KHDRBS2: variants seen among roughly 807,000 people sequenced by gnomAD.
KHDRBS2 encodes the protein KH RNA binding domain containing, signal transduction associated 2.
KHDRBS2 carries 26 observed loss-of-function variants against 44.3 expected under a neutral mutation model. The observed-to-expected ratio is 0.59, with a 90% CI of 0.43 to 0.81. The LOEUF (loss-of-function observed/expected upper bound fraction) is 0.81, where lower values mean the gene tolerates loss of function less well. KHDRBS2 is among the 40% of genes least tolerant of loss of function. The pLI, the probability that KHDRBS2 is intolerant of heterozygous loss-of-function variation, is 0.00. For synonymous variants in KHDRBS2, 194 were observed against 151.1 expected, an observed-to-expected ratio of 1.28 and a Z score of -2.08; for missense variants, 476 against 433.1, an observed-to-expected ratio of 1.10 and a Z score of -0.88.
chr6:62,285,618 C>T (rs1042855574), intron 1 of KHDRBS2, among the ~76,000 whole-genome samples: 1 of 152,132 alleles, frequency 6.6e-6, no homozygotes, highest in Non-Finnish European at 1.5e-5. Flanking sequence ...CAGGTCACAT[C>T]GCCACTGCCA....
At chr6:62,029,221 A>G (rs570781980) in intron 3 of KHDRBS2, among the ~76,000 whole-genome samples, 45 of 152,114 alleles carry the variant, frequency 3.0e-4, no homozygotes, top group African/African-American at 1.0e-3. Context: ...AATTCATGGC[A>G]AAATGTTAGT....
At chr6:61,621,853 A>G in the KHDRBS2 span, among the ~76,000 whole-genome samples, 3 of 152,328 alleles carry the variant, frequency 2.0e-5, no homozygotes, top group East Asian at 5.8e-4. Context: ...TGAAGAAGCA[A>G]ATAGCCATCA....
At position 61,895,984 on chromosome 6, in the gene KHDRBS2, G is replaced by T. The variant is rs372678285; in HGVS notation, c.612-1151C>A. ...TTACAGAGCTGATGAATAGAGAAAT[G>T]ATGAGAGAATTTATTGTGAGTCTAA... On this transcript the variant is annotated intron_variant, in intron 5 of 8. Coordinates refer to ENST00000281156, the MANE Select transcript of KHDRBS2 (RefSeq NM_152688.4). Among the ~76,000 whole-genome samples the T allele has an allele frequency of 1.5e-4, 23 of 152,246 alleles. No homozygotes were observed. In the East Asian group the frequency reaches 2.9e-3, roughly 19 times the overall value.
At chr6:62,199,996 A>G (rs1826580291) in intron 1 of KHDRBS2, among the ~76,000 whole-genome samples, 1 of 152,212 alleles carries the variant, frequency 6.6e-6, no homozygotes, top group African/African-American at 2.4e-5. Flanking sequence ...AGGATTCCCT[A>G]TTTAATAAAT....
intron 7 of KHDRBS2, among the ~76,000 whole-genome samples, chr6:61,698,929 C>G (rs1361648322): frequency 6.6e-6 from 1 of 152,046 alleles, no homozygotes; most frequent in African/African-American, 2.4e-5. Flanking sequence ...CTATTTAGAC[C>G]AGGGACCACC....
chr6:61,606,085 C>T, the KHDRBS2 span, among the ~76,000 whole-genome samples: 2 of 152,190 alleles, frequency 1.3e-5, no homozygotes, highest in African/African-American at 4.8e-5. Context: ...CCCGCCCCTG[C>T]CAGCCAGAGA....
At chr6:61,622,296 A>G in the KHDRBS2 span, among the ~76,000 whole-genome samples, 89,839 of 151,938 alleles carry the variant, frequency 0.59, 26,774 homozygotes, top group African/African-American at 0.61. Context: ...GGCAACAGAC[A>G]CCCCTTCAGG....
intron 4 of KHDRBS2, among the ~76,000 whole-genome samples, chr6:61,940,806 G>A (rs1454752376): frequency 3.3e-5 from 5 of 152,152 alleles, no homozygotes; most frequent in African/African-American, 1.2e-4. Flanking sequence ...TGTGATCCAA[G>A]CATGGACTAT....
At chr6:61,738,932 G>A (rs561322265) in intron 6 of KHDRBS2, among the ~76,000 whole-genome samples, 3 of 151,828 alleles carry the variant, frequency 2.0e-5, no homozygotes, top group Non-Finnish European at 4.4e-5. Context: ...AAACATAAGA[G>A]AAGATTCAGA....
At chr6:62,083,495 T>TA (rs1472675635) in intron 2 of KHDRBS2, among the ~76,000 whole-genome samples, 1 of 152,166 alleles carries the variant, frequency 6.6e-6, no homozygotes, top group Non-Finnish European at 1.5e-5. Context: ...CTGAGCTGTT[T>TA]ACCACTTAAG....
chr6:62,065,471 A>G (rs968288846), intron 2 of KHDRBS2, among the ~76,000 whole-genome samples: 6 of 151,842 alleles, frequency 4.0e-5, no homozygotes, highest in Non-Finnish European at 8.8e-5. Context: ...TGATGAGTTC[A>G]TATCCTTTGT....
the KHDRBS2 span, among the ~76,000 whole-genome samples, chr6:61,554,939 C>T: frequency 6.6e-6 from 1 of 152,108 alleles, no homozygotes; most frequent in African/African-American, 2.4e-5. Context: ...CTGCTTTTAA[C>T]ATTTTTTATT....
At chr6:62,018,503 A>G (rs1040895546) in intron 3 of KHDRBS2, among the ~76,000 whole-genome samples, 1 of 151,854 alleles carries the variant, frequency 6.6e-6, no homozygotes, top group African/African-American at 2.4e-5. Context: ...GCCTGCCACC[A>G]CGCCCGGCTA....
At chr6:61,967,475 G>A (rs1320760980) in intron 4 of KHDRBS2, among the ~76,000 whole-genome samples, 1 of 151,796 alleles carries the variant, frequency 6.6e-6, no homozygotes, top group Admixed American at 6.6e-5. Context: ...AGATATGAAT[G>A]AAAATAAGAA....
chr6:62,113,411 C>T (rs572998202), intron 2 of KHDRBS2, among the ~76,000 whole-genome samples: 1 of 152,042 alleles, frequency 6.6e-6, no homozygotes, highest in East Asian at 1.9e-4. Context: ...CCAGAATTAC[C>T]AAGTGTTAAT....
chr6:62,230,274 A>T (rs1281788818), intron 1 of KHDRBS2, among the ~76,000 whole-genome samples: 2 of 152,234 alleles, frequency 1.3e-5, no homozygotes, highest in Non-Finnish European at 2.9e-5. Flanking sequence ...ATTTAGCAGG[A>T]AATTAAATGA....
intron 2 of KHDRBS2, among the ~76,000 whole-genome samples, chr6:62,053,651 T>C (rs1176559244): frequency 6.6e-6 from 1 of 151,892 alleles, no homozygotes; most frequent in African/African-American, 2.4e-5. Context: ...CTATTCAAAA[T>C]TCATAGGAAC....
chr6:61,797,485 T>A (rs1205890689), intron 6 of KHDRBS2, among the ~76,000 whole-genome samples: 1 of 152,090 alleles, frequency 6.6e-6, no homozygotes. Flanking sequence ...ATCATTTTCA[T>A]CCCAAAAACA....
chr6:61,857,232 A>C (rs1796280653), intron 6 of KHDRBS2, among the ~76,000 whole-genome samples: 1 of 152,100 alleles, frequency 6.6e-6, no homozygotes, highest in Non-Finnish European at 1.5e-5. Context: ...TTTCTGTTGA[A>C]TAAATCCTGG....
Sources: gnomAD v4.1 joint callset for allele counts (sites outside exome capture counted in the v4.1 genomes callset) on GRCh38, gnomAD v4.1.1 for gene constraint, MANE v1.5 for transcripts, NCBI Gene and HGNC (gene_info 2026-07-23, HGNC 2026-07-21) for gene names.